Variants in MRPL43 observed in about 807,000 individuals in gnomAD.
MRPL43 encodes large ribosomal subunit protein mL43.
MRPL43 carries 9 observed loss-of-function variants against 12.7 expected under a neutral mutation model. That is an observed-to-expected ratio of 0.71 (90% CI 0.43 to 1.24). The LOEUF (loss-of-function observed/expected upper bound fraction) is 1.24. MRPL43 is among the 50% of genes most tolerant of loss of function. The pLI is 0.00. For missense variants in MRPL43, 211 were observed against 229.2 expected, an observed-to-expected ratio of 0.92 and a Z score of 0.51; for synonymous variants, 116 against 96.4, an observed-to-expected ratio of 1.20 and a Z score of -1.19.
At chr10:100,984,535 C>T, downstream of MRPL43, 2 of 1,536,216 alleles carry the variant, frequency 1.3e-6, no homozygotes, top group Non-Finnish European at 1.7e-6. Flanking sequence ...CCACCCTCTG[C>T]ATGGCCCTGT....
chr10:100,984,995 C>T, downstream of MRPL43: 1 of 1,295,256 alleles, frequency 7.7e-7, no homozygotes, highest in Non-Finnish European at 1.0e-6. Context: ...CTCTGAGCCT[C>T]CCTTGCTGTC....
downstream of MRPL43, chr10:100,979,939 T>C (rs1229991911): frequency 3.1e-6 from 5 of 1,614,086 alleles, no homozygotes; most frequent in Non-Finnish European, 3.4e-6. Context: ...CCAGGATGGT[T>C]CCCGGCGCTG....
In MRPL43 at chr10:100,986,959, G is replaced by A. The variant is rs200099504; in HGVS notation, c.255C>T (p.Arg85=). The change falls in exon 3 of 3, where the codon CGC becomes CGT. Residue 85 remains arginine (R), a synonymous_variant. Coordinates refer to ENST00000318364, the MANE Select transcript of MRPL43 (RefSeq NM_032112.3). ...VVAEYLNGAV[R]EESIHCKSVE... ...CCGACTTGCAGTGGATGCTCTCCTCGCGCACAGCCCCGTTAACTGGCAGAA... is the reference window on the plus strand; with the variant it reads ...CCGACTTGCAGTGGATGCTCTCCTCACGCACAGCCCCGTTAACTGGCAGAA... 1 of 1,606,912 alleles carries A rather than the reference G, an allele frequency of 6.2e-7. No homozygotes were observed. The highest frequency in any genetic ancestry group is 8.5e-7 in the Non-Finnish European group (1 of 1,179,962).
chr10:100,983,393 C>T (rs770897727), downstream of MRPL43: 3 of 1,611,632 alleles, frequency 1.9e-6, no homozygotes, highest in East Asian at 2.2e-5. Flanking sequence ...TGGCCCGGGC[C>T]TTGTGGCTAC....
At chr10:100,984,702 C>T (rs947024954), downstream of MRPL43, 22 of 1,536,170 alleles carry the variant, frequency 1.4e-5, no homozygotes, top group Non-Finnish European at 1.9e-5. Flanking sequence ...TGCTTCTGGA[C>T]TTGGGGTACC....
rs1340906043 is a variant in MRPL43 at position 100,986,784 on chromosome 10, G to A, written c.430C>T (p.Arg144Cys). Residue 144 changes from arginine (R) to cysteine (C), a missense_variant, in exon 3 of 3, where the codon CGC becomes TGC. Arg to Cys is a radical substitution (Grantham distance 180). Coordinates refer to ENST00000318364, the MANE Select transcript of MRPL43 (RefSeq NM_032112.3). ...TNKPTTFRGL[R>C]PREVQDPAPA... ...GCAGGATCCTGAACCTCTCGGGGGC[G>A]TAGCCCGCGGAACGTGGTCGGCTTG... The A allele has an allele frequency of 3.1e-6, 5 of 1,613,670 alleles. No individual in the cohort carries two copies. The highest frequency in any genetic ancestry group is 1.3e-5 in the African/African-American group (1 of 74,942).
At chr10:100,978,668 G>C, downstream of MRPL43, 3 of 1,596,684 alleles carry the variant, frequency 1.9e-6, no homozygotes, top group Non-Finnish European at 2.6e-6. Context: ...CAGGATGATG[G>C]GGGGTAGGGG....
At chr10:100,984,952 C>T (rs1318120156), downstream of MRPL43, 4 of 1,413,332 alleles carry the variant, frequency 2.8e-6, no homozygotes, top group Middle Eastern at 1.8e-4. Context: ...ACACCTGTAT[C>T]ACACATGTGC....
At chr10:100,979,286 A>C (rs2133878729), downstream of MRPL43, 1 of 1,614,192 alleles carries the variant, frequency 6.2e-7, no homozygotes, top group Non-Finnish European at 8.5e-7. Context: ...GTGCAGGGAC[A>C]ATCGGGAGGC....
downstream of MRPL43, chr10:100,979,497 C>T: frequency 2.4e-6 from 3 of 1,224,954 alleles, no homozygotes; most frequent in South Asian, 4.7e-5. Flanking sequence ...ATTATCCTGC[C>T]TCGGCCTCCC....
chr10:100,979,422 T>C (rs1448878281), downstream of MRPL43: 2 of 1,557,826 alleles, frequency 1.3e-6, no homozygotes, highest in South Asian at 1.2e-5. Context: ...CTTGCTCTGT[T>C]GCCAGGCTGG....
At chr10:100,982,966 G>A (rs557984486), downstream of MRPL43, among the ~76,000 whole-genome samples, 6 of 152,374 alleles carry the variant, frequency 3.9e-5, no homozygotes, top group South Asian at 1.2e-3. Context: ...GAGACCTCAT[G>A]TGGAGATGCC....
chr10:100,987,150 C>G lies in MRPL43; in HGVS notation c.178G>C (p.Gly60Arg). ...CGCGAGTTTACATATATTACGACCC[C>G]TGGATTCCGTCGGGCGAAGTCGATC... ...EVIDFARRNP[G>R]VVIYVNSRPC... Residue 60 changes from glycine (G) to arginine (R), a missense_variant, in exon 2 of 3, where the codon GGG becomes CGG. Gly to Arg is a moderately radical substitution (Grantham distance 125). Coordinates refer to ENST00000318364, the MANE Select transcript of MRPL43 (RefSeq NM_032112.3). The G allele has an allele frequency of 6.2e-7, 1 of 1,613,964 alleles. No homozygotes were observed. Among genetic ancestry groups the G allele is most frequent in the South Asian group, 1.1e-5 (1 of 91,082 alleles).
downstream of MRPL43, chr10:100,980,495 G>A: frequency 7.2e-7 from 1 of 1,395,502 alleles, no homozygotes; most frequent in Non-Finnish European, 1.0e-6. Flanking sequence ...CAGGACTCCT[G>A]AGCTGTTCGT....
Position 100,987,116 on chromosome 10 carries a change from C to T in MRPL43, c.212G>A (p.Cys71Tyr). 3.1e-6 allele frequency: 5 copies of T among 1,613,830 alleles called. No individual in the cohort carries two copies. The highest frequency in any genetic ancestry group is 4.2e-6 in the Non-Finnish European group (5 of 1,180,046). Residue 71 changes from cysteine to tyrosine, a missense_variant, in exon 2 of 3, where the codon TGC (cysteine) becomes TAC (tyrosine). Physicochemically the swap from Cys to Tyr is radical, Grantham distance 194. Coordinates refer to ENST00000318364, the MANE Select transcript of MRPL43 (RefSeq NM_032112.3). ...VVIYVNSRPC[C>Y]VPRVVAEYLN... is the part of the protein sequence containing the mutation. ...GTATTCGGCCACTACTCTGGGCACG[C>T]AGCACGGACGCGAGTTTACATATAT...
At chr10:100,978,720 C>T (rs1393963836), downstream of MRPL43, 15 of 1,552,598 alleles carry the variant, frequency 9.7e-6, no homozygotes, top group African/African-American at 1.4e-5. Flanking sequence ...CTGACCACCC[C>T]ACCCCCAAAT....
downstream of MRPL43, chr10:100,981,589 G>C: frequency 6.2e-7 from 1 of 1,606,768 alleles, no homozygotes; most frequent in Non-Finnish European, 8.5e-7. Flanking sequence ...GATGTATTAA[G>C]TATTTACTGT....
downstream of MRPL43, chr10:100,979,784 C>A: frequency 1.3e-6 from 2 of 1,588,486 alleles, no homozygotes; most frequent in South Asian, 1.1e-5. Flanking sequence ...TCAGGCTGAG[C>A]ACGAGTTGGG....
At chr10:100,978,787 CAG>C (rs1209478560), downstream of MRPL43, 1 of 1,591,256 alleles carries the variant, frequency 6.3e-7, no homozygotes, top group East Asian at 2.2e-5. Context: ...GGGTCAGCCT[CAG>C]AGTGAGGGAA....
Sources: allele counts gnomAD v4.1 joint callset (sites outside exome capture counted in the v4.1 genomes callset), GRCh38; gene constraint gnomAD v4.1.1; transcripts MANE v1.5; gene names NCBI Gene and HGNC (gene_info 2026-07-23, HGNC 2026-07-21).